The following GPC5 variants were observed in gnomAD, a reference collection of about 807,000 sequenced individuals.
GPC5 encodes the protein glypican 5.
Under a neutral mutation model 53.9 loss-of-function variants are expected in GPC5, and 47 were observed. That is an observed-to-expected ratio of 0.87 (90% CI 0.69 to 1.11). The LOEUF (loss-of-function observed/expected upper bound fraction) is 1.11, where lower values mean the gene tolerates loss of function less well. Ranked by LOEUF, GPC5 falls within the 50% of genes most tolerant of loss-of-function variation. GPC5 has a pLI of 0.00. For synonymous variants in GPC5, 286 were observed against 263.3 expected (o/e 1.09, Z -0.84); for missense variants, 748 against 713.1 (o/e 1.05, Z -0.56).
chr13:92,663,589 ATATATC>A (rs1406927786), intron 7 of GPC5, among the ~76,000 whole-genome samples: 1 of 84,852 alleles, frequency 1.2e-5, no homozygotes, highest in African/African-American at 3.4e-5. Context: ...ATATATATAT[ATATATC>A]TACTATATAT....
At chr13:92,077,679 G>A (rs9556146) in intron 6 of GPC5, among the ~76,000 whole-genome samples, 56,447 of 151,996 alleles carry the variant, frequency 0.37, 11,331 homozygotes, top group Admixed American at 0.47. Context: ...CAGGTTGTAC[G>A]GTGCACAGAA....
Position 92,176,705 on chromosome 13 carries a change from A to G in GPC5, c.1561+31716A>G, listed in dbSNP as rs1238451053. 2.6e-5 allele frequency among the ~76,000 whole-genome samples: 4 copies of G among 152,100 alleles called. 1 individual carries two copies. In the South Asian group the frequency reaches 6.2e-4, roughly 24 times the overall value. On this transcript the variant is annotated intron_variant, in intron 7 of 7. Transcript: ENST00000377067. ...TCCCACCATTTTTGAACCTCCCTCC[A>G]GAGTGCCTGGAGCTAGGCCCAGTGG... is the stretch of plus-strand genomic sequence containing the variant.
chr13:91,478,822 T>TATATATATATATATATATACAC (rs1323023652), intron 2 of GPC5, among the ~76,000 whole-genome samples: 5 of 92,160 alleles, frequency 5.4e-5, no homozygotes, highest in African/African-American at 2.6e-4. Context: ...TATATATATA[T>TATATATATATATATATATACAC]ACACACACAC....
chr13:92,563,185 A>G (rs1210037945), intron 7 of GPC5, among the ~76,000 whole-genome samples: 1 of 152,048 alleles, frequency 6.6e-6, no homozygotes, highest in Non-Finnish European at 1.5e-5. Flanking sequence ...TGTAAAGTCT[A>G]TAAGATCACT....
At chr13:92,622,160 A>G (rs1189202455) in intron 7 of GPC5, among the ~76,000 whole-genome samples, 3 of 152,124 alleles carry the variant, frequency 2.0e-5, no homozygotes, top group Admixed American at 6.5e-5. Context: ...TATGGAGGAA[A>G]TAGTAGCTGA....
intron 2 of GPC5, among the ~76,000 whole-genome samples, chr13:91,566,663 G>C (rs2031545338): frequency 6.6e-6 from 1 of 152,150 alleles, no homozygotes; most frequent in Non-Finnish European, 1.5e-5. Flanking sequence ...AGGTATTTCT[G>C]ATATAGGTAA....
chr13:92,103,844 T>A (rs565996621), intron 6 of GPC5, among the ~76,000 whole-genome samples: 7 of 152,224 alleles, frequency 4.6e-5, no homozygotes, highest in Non-Finnish European at 7.3e-5. Context: ...CTTAGGTTTT[T>A]TTCAGAAGTG....
chr13:92,756,957 T>C (rs1874907398), intron 7 of GPC5, among the ~76,000 whole-genome samples: 1 of 152,000 alleles, frequency 6.6e-6, no homozygotes, highest in African/African-American at 2.4e-5. Flanking sequence ...CCAATGCCTT[T>C]CTTCACAGAA....
intron 7 of GPC5, among the ~76,000 whole-genome samples, chr13:92,627,664 C>A (rs570062504): frequency 6.6e-6 from 1 of 152,224 alleles, no homozygotes; most frequent in South Asian, 2.1e-4. Context: ...TGGAATTATA[C>A]GAAAGGTTTC....
intron 6 of GPC5, among the ~76,000 whole-genome samples, chr13:91,944,768 G>T (rs765131790): frequency 3.4e-4 from 52 of 152,122 alleles, no homozygotes; most frequent in Admixed American, 1.6e-3. Context: ...AGAACTTTCT[G>T]TAAACAGCGT....
intron 7 of GPC5, among the ~76,000 whole-genome samples, chr13:92,217,289 G>T (rs890435415): frequency 6.6e-6 from 1 of 152,184 alleles, no homozygotes; most frequent in South Asian, 2.1e-4. Flanking sequence ...AGACTCCTAA[G>T]CCTTCTCCTA....
chr13:91,487,513 G>A (rs1286075963), intron 2 of GPC5, among the ~76,000 whole-genome samples: 1 of 152,172 alleles, frequency 6.6e-6, no homozygotes, highest in Non-Finnish European at 1.5e-5. Context: ...TCTTCAGATA[G>A]AAAAGGGAAT....
At chr13:91,731,601 G>A (rs918207147) in intron 4 of GPC5, among the ~76,000 whole-genome samples, 1 of 152,034 alleles carries the variant, frequency 6.6e-6, no homozygotes, top group African/African-American at 2.4e-5. Flanking sequence ...GTGCCATGGT[G>A]GATTGCTGCA....
chr13:91,757,862 G>A (rs1392295318), intron 5 of GPC5, among the ~76,000 whole-genome samples: 11 of 151,960 alleles, frequency 7.2e-5, no homozygotes, highest in Non-Finnish European at 1.6e-4. Context: ...ACATTATTTA[G>A]CAAATTAACT....
intron 7 of GPC5, among the ~76,000 whole-genome samples, chr13:92,266,908 A>T (rs2042806101): frequency 6.6e-6 from 1 of 152,102 alleles, no homozygotes; most frequent in African/African-American, 2.4e-5. Flanking sequence ...TTAAATAAAA[A>T]ACTTAATGAC....
At chr13:92,080,414 C>A (rs1268210496) in intron 6 of GPC5, among the ~76,000 whole-genome samples, 1 of 152,196 alleles carries the variant, frequency 6.6e-6, no homozygotes, top group Non-Finnish European at 1.5e-5. Flanking sequence ...CTACTTAATT[C>A]TCACACTCGA....
intron 5 of GPC5, among the ~76,000 whole-genome samples, chr13:91,854,594 T>C (rs1487435639): frequency 6.6e-6 from 1 of 151,544 alleles, no homozygotes. Flanking sequence ...CTATTCTCTA[T>C]CTCCATGGGT....
At chr13:91,549,780 G>T (rs2030518240) in intron 2 of GPC5, among the ~76,000 whole-genome samples, 1 of 152,148 alleles carries the variant, frequency 6.6e-6, no homozygotes. Flanking sequence ...GTGAGGGTGT[G>T]GACCAACAGC....
intron 7 of GPC5, among the ~76,000 whole-genome samples, chr13:92,503,122 C>G (rs1880249407): frequency 6.6e-6 from 1 of 151,812 alleles, no homozygotes; most frequent in African/African-American, 2.4e-5. Flanking sequence ...AAACAAGGAA[C>G]AACATTACAT....
Sources: allele counts gnomAD v4.1 joint callset (sites outside exome capture counted in the v4.1 genomes callset), GRCh38; gene constraint gnomAD v4.1.1; transcripts MANE v1.5; gene names NCBI Gene and HGNC (gene_info 2026-07-23, HGNC 2026-07-21).